The following KCNH7 variants were observed in gnomAD, a reference collection of about 807,000 sequenced individuals.
The protein encoded by KCNH7 is voltage-gated inwardly rectifying potassium channel KCNH7.
In KCNH7, 49 loss-of-function variants were observed where a neutral mutation model predicts 120.8. The ratio of observed to expected loss-of-function variants is 0.41; its 90% CI spans 0.32 to 0.51. The LOEUF is 0.51. KCNH7 is among the 20% of genes least tolerant of loss of function. The pLI, the probability that KCNH7 is intolerant of heterozygous loss-of-function variation, is 0.38. For synonymous variants in KCNH7, 547 were observed against 516.1 expected, an observed-to-expected ratio of 1.06 and a Z score of -0.81; for missense variants, 1,097 against 1,446.6, an observed-to-expected ratio of 0.76 and a Z score of 3.92.
chr2:162,699,724 T>G lies in KCNH7; in HGVS notation c.307+136813A>C, dbSNP rs1286960686. 2.0e-5 allele frequency among the ~76,000 whole-genome samples: 3 copies of G among 152,176 alleles called. No homozygotes were observed. In the East Asian group the frequency reaches 5.8e-4, roughly 29 times the overall value. ...GACAAATGGATCATCAATAATCACC[T>G]CTAATAACTTAAAGGACAGCTTTTC... is the stretch of plus-strand genomic sequence containing the variant. On this transcript the variant is annotated intron_variant, in intron 2 of 15. Coordinates refer to ENST00000332142, the MANE Select transcript of KCNH7 (RefSeq NM_033272.4).
chr2:162,562,880 C>T (rs939893045), intron 2 of KCNH7, among the ~76,000 whole-genome samples: 1 of 152,120 alleles, frequency 6.6e-6, no homozygotes, highest in Non-Finnish European at 1.5e-5. Context: ...GCCACACTTG[C>T]GTCCCATAGC....
At chr2:162,673,916 C>A (rs1685447746) in intron 2 of KCNH7, among the ~76,000 whole-genome samples, 1 of 151,772 alleles carries the variant, frequency 6.6e-6, no homozygotes, top group African/African-American at 2.4e-5. Flanking sequence ...TGCCAAAATA[C>A]CAAACCAAAA....
intron 2 of KCNH7, among the ~76,000 whole-genome samples, chr2:162,538,573 C>T (rs1314098602): frequency 6.6e-6 from 1 of 151,990 alleles, no homozygotes; most frequent in East Asian, 1.9e-4. Context: ...TCTGCAAAGG[C>T]CAGTAGATGC....
At chr2:162,485,315 T>G (rs140068718) in intron 6 of KCNH7, among the ~76,000 whole-genome samples, 171 of 152,334 alleles carry the variant, frequency 1.1e-3, no homozygotes, top group South Asian at 2.5e-3. Flanking sequence ...TTATTTTAAT[T>G]CATTATTGAT....
intron 2 of KCNH7, among the ~76,000 whole-genome samples, chr2:162,595,809 T>A (rs1694359770): frequency 2.6e-5 from 4 of 151,950 alleles, no homozygotes; most frequent in Admixed American, 2.6e-4. Flanking sequence ...ATCTTGTATA[T>A]AGAAAACCCT....
chr2:162,597,439 GA>G (rs1228820721), intron 2 of KCNH7, among the ~76,000 whole-genome samples: 1 of 152,056 alleles, frequency 6.6e-6, no homozygotes, highest in African/African-American at 2.4e-5. Flanking sequence ...AGCCAGGCAA[GA>G]AAGACAAATA....
chr2:162,722,861 C>A (rs1446063382), intron 2 of KCNH7, among the ~76,000 whole-genome samples: 2 of 82,196 alleles, frequency 2.4e-5, no homozygotes, highest in Non-Finnish European at 4.5e-5. Context: ...AATGATCTGT[C>A]TTCAAATTTG....
chr2:162,451,045 A>G (rs1207421419), intron 6 of KCNH7, among the ~76,000 whole-genome samples: 5 of 152,056 alleles, frequency 3.3e-5, no homozygotes, highest in African/African-American at 9.7e-5. Context: ...TGTTTGGAAT[A>G]AAGGAAAGAG....
chr2:162,608,162 G>A (rs1391293635), intron 2 of KCNH7, among the ~76,000 whole-genome samples: 2 of 152,178 alleles, frequency 1.3e-5, no homozygotes, highest in African/African-American at 2.4e-5. Context: ...TGACTCCTAT[G>A]TGTTCACCAT....
intron 2 of KCNH7, among the ~76,000 whole-genome samples, chr2:162,606,311 T>A (rs897756851): frequency 2.0e-5 from 3 of 152,070 alleles, no homozygotes; most frequent in African/African-American, 7.2e-5. Flanking sequence ...ATGTACAAAT[T>A]TTCAGTGAGA....
intron 2 of KCNH7, among the ~76,000 whole-genome samples, chr2:162,551,823 T>C (rs1294964249): frequency 6.6e-6 from 1 of 151,992 alleles, no homozygotes; most frequent in Non-Finnish European, 1.5e-5. Context: ...ATTCCCATAA[T>C]AAGCATTTAA....
At chr2:162,609,248 T>G (rs1682880564) in intron 2 of KCNH7, among the ~76,000 whole-genome samples, 1 of 152,216 alleles carries the variant, frequency 6.6e-6, no homozygotes, top group Non-Finnish European at 1.5e-5. Flanking sequence ...CCCACAAGAC[T>G]AACAGTTCCT....
intron 2 of KCNH7, among the ~76,000 whole-genome samples, chr2:162,653,492 A>C (rs1296515185): frequency 6.6e-6 from 1 of 152,214 alleles, no homozygotes. Context: ...AGCTTCAATA[A>C]ATACATTTAA....
At chr2:162,529,609 CGAT>C (rs1302269732) in intron 3 of KCNH7, among the ~76,000 whole-genome samples, 1 of 151,832 alleles carries the variant, frequency 6.6e-6, no homozygotes, top group Non-Finnish European at 1.5e-5. Context: ...CTCTTATACT[CGAT>C]GACAGTAAAC....
intron 2 of KCNH7, among the ~76,000 whole-genome samples, chr2:162,578,807 A>G (rs1693771542): frequency 6.6e-6 from 1 of 152,062 alleles, no homozygotes; most frequent in Non-Finnish European, 1.5e-5. Context: ...CTTTGCTATC[A>G]TTGGGAAAAT....
chr2:162,410,796 A>C (rs1221747930), intron 9 of KCNH7, among the ~76,000 whole-genome samples: 1 of 152,110 alleles, frequency 6.6e-6, no homozygotes, highest in Non-Finnish European at 1.5e-5. Flanking sequence ...AAGGACATGA[A>C]CAGATACTTC....
intron 8 of KCNH7, among the ~76,000 whole-genome samples, chr2:162,426,086 C>T (rs956896713): frequency 2.0e-5 from 3 of 151,718 alleles, no homozygotes; most frequent in South Asian, 2.1e-4. Flanking sequence ...TGGTGGTGTG[C>T]GCCTGTAGCA....
intron 2 of KCNH7, among the ~76,000 whole-genome samples, chr2:162,821,647 C>T (rs375164914): frequency 6.6e-6 from 1 of 152,182 alleles, no homozygotes; most frequent in African/African-American, 2.4e-5. Flanking sequence ...CCCCTTGGTA[C>T]AATTTGTAAA....
chr2:162,432,816 C>T (rs1688113700), intron 8 of KCNH7, among the ~76,000 whole-genome samples: 1 of 151,998 alleles, frequency 6.6e-6, no homozygotes, highest in Admixed American at 6.6e-5. Flanking sequence ...CTAGAACAAG[C>T]AGGCAAGAGA....
Sources: gnomAD v4.1 joint callset for allele counts (sites outside exome capture counted in the v4.1 genomes callset) on GRCh38, gnomAD v4.1.1 for gene constraint, MANE v1.5 for transcripts, NCBI Gene and HGNC (gene_info 2026-07-23, HGNC 2026-07-21) for gene names.